OTOP1: variants seen among roughly 807,000 people sequenced by gnomAD.
The protein encoded by OTOP1 is otopetrin 1, also known as proton channel OTOP1.
A neutral mutation model predicts 52.9 loss-of-function variants in OTOP1; 59 were observed. That is an observed-to-expected ratio of 1.12 (90% CI 0.91 to 1.39). OTOP1 has a LOEUF of 1.39. OTOP1 is among the 40% of genes most tolerant of loss of function. OTOP1 has a pLI of 0.00. For missense variants in OTOP1, 761 were observed against 800.9 expected (o/e 0.95, Z 0.60); for synonymous variants, 317 against 337.7 (o/e 0.94, Z 0.67).
chr4:4,195,502 C>T (rs1716602719), intron 5 of OTOP1, among the ~76,000 whole-genome samples: 1 of 152,166 alleles, frequency 6.6e-6, no homozygotes, highest in Non-Finnish European at 1.5e-5. Flanking sequence ...TTCCCCACTG[C>T]TTTCTGTCTT....
intron 1 of OTOP1, among the ~76,000 whole-genome samples, chr4:4,224,521 G>T (rs946263302): frequency 1.3e-5 from 2 of 152,070 alleles, no homozygotes; most frequent in African/African-American, 2.4e-5. Flanking sequence ...ACAGGTAAAG[G>T]CTCATGTGTA....
At chr4:4,211,040 C>T (rs1373396911) in intron 2 of OTOP1, among the ~76,000 whole-genome samples, 1 of 152,102 alleles carries the variant, frequency 6.6e-6, no homozygotes. Flanking sequence ...CAAATGAGCC[C>T]CTCAGCAAGC....
chr4:4,220,105 A>ATATATATAT (rs1434375771), intron 1 of OTOP1, among the ~76,000 whole-genome samples: 1 of 59,396 alleles, frequency 1.7e-5, no homozygotes, highest in African/African-American at 5.1e-5. Context: ...ATATATATAT[A>ATATATATAT]TTTTTTTTTT....
Position 4,212,913 on chromosome 4 carries a change from A to G in OTOP1, c.495T>C (p.Thr165=), listed in dbSNP as rs1717056363. Residue 165 remains threonine, a synonymous_variant, in exon 2 of 6, where the codon ACT becomes ACC. Transcript: ENST00000296358. ...AATGGGTGACTGGGAAAACTCCTTC[A>G]GTGGCTGATAAACATTCTGAAAATC... ...FIGFSECLSA[T]EGVFPVTHSV... is the part of the protein sequence containing the mutation. The G allele has an allele frequency of 1.2e-6, 2 of 1,614,146 alleles. No individual in the cohort carries two copies. The highest frequency in any genetic ancestry group is 4.5e-5 in the East Asian group (2 of 44,884).
intron 5 of OTOP1, among the ~76,000 whole-genome samples, chr4:4,191,521 C>T (rs1716505305): frequency 6.6e-6 from 1 of 152,218 alleles, no homozygotes; most frequent in Non-Finnish European, 1.5e-5. Context: ...GCACGCAGCC[C>T]TTCTTCCTGT....
intron 5 of OTOP1, among the ~76,000 whole-genome samples, chr4:4,189,794 AC>A (rs1716463206): frequency 6.6e-6 from 1 of 152,192 alleles, no homozygotes; most frequent in South Asian, 2.1e-4. Flanking sequence ...CCAGCAAGGA[AC>A]TCAGACCCTC....
intron 1 of OTOP1, among the ~76,000 whole-genome samples, chr4:4,214,457 A>G (rs1389717784): frequency 6.6e-6 from 1 of 152,138 alleles, no homozygotes; most frequent in Non-Finnish European, 1.5e-5. Context: ...CTGAGTATAT[A>G]CCCAAAAGAA....
Position 4,212,942 on chromosome 4 carries a change from T to A in OTOP1, c.466A>T (p.Ile156Phe). Residue 156 changes from isoleucine (I) to phenylalanine (F), a missense_variant, in exon 2 of 6, where the codon ATT becomes TTT. Coordinates refer to ENST00000296358, the MANE Select transcript of OTOP1 (RefSeq NM_177998.3). ...GCTGATAAACATTCTGAAAATCCAA[T>A]GAAGTATCCAATTTTAAGGCATCCC... Reference protein sequence around the residue: ...ILGCLKIGYFIGFSECLSATE... With the variant: ...ILGCLKIGYFFGFSECLSATE... 2 of 1,614,058 alleles carry A rather than the reference T, an allele frequency of 1.2e-6. No homozygotes were observed. Among genetic ancestry groups the A allele is most frequent in the Non-Finnish European group, 1.7e-6 (2 of 1,179,934 alleles).
chr4:4,190,289 A>G (rs902154672), intron 5 of OTOP1, among the ~76,000 whole-genome samples: 8 of 152,228 alleles, frequency 5.3e-5, no homozygotes, highest in African/African-American at 1.9e-4. Context: ...CCTGGCCAAC[A>G]TGGTGAAACC....
At chr4:4,200,722 C>T (rs1281892024) in intron 4 of OTOP1, among the ~76,000 whole-genome samples, 1 of 35,904 alleles carries the variant, frequency 2.8e-5, no homozygotes, top group Non-Finnish European at 5.6e-5. Context: ...AGCATGCCTG[C>T]CTTTTTTTTT....
chr4:4,223,342 G>C (rs1040402765), intron 1 of OTOP1, among the ~76,000 whole-genome samples: 11 of 152,164 alleles, frequency 7.2e-5, no homozygotes, highest in African/African-American at 2.4e-4. Flanking sequence ...CCAATGCTCG[G>C]AGTCAACCTG....
At chr4:4,207,065 A>G (rs1285539273) in intron 2 of OTOP1, among the ~76,000 whole-genome samples, 1 of 152,232 alleles carries the variant, frequency 6.6e-6, no homozygotes, top group Non-Finnish European at 1.5e-5. Context: ...TTATAAAAAT[A>G]AAATCAGAGA....
intron 1 of OTOP1, among the ~76,000 whole-genome samples, chr4:4,221,513 G>A (rs902709944): frequency 1.9e-4 from 29 of 152,140 alleles, no homozygotes; most frequent in African/African-American, 5.6e-4. Flanking sequence ...GCAGACCTGG[G>A]CTCCTCCCAG....
At chr4:4,193,720 G>T (rs780285104) in intron 5 of OTOP1, among the ~76,000 whole-genome samples, 3 of 152,194 alleles carry the variant, frequency 2.0e-5, no homozygotes, top group Non-Finnish European at 4.4e-5. Flanking sequence ...TCCTTGGACT[G>T]GGCCCTGGGT....
At chr4:4,226,161 A>G (rs1717428271) in intron 1 of OTOP1, among the ~76,000 whole-genome samples, 1 of 152,180 alleles carries the variant, frequency 6.6e-6, no homozygotes, top group Non-Finnish European at 1.5e-5. Flanking sequence ...GGCCTCCATC[A>G]TGGGGTCAGT....
intron 1 of OTOP1, among the ~76,000 whole-genome samples, chr4:4,217,369 G>A (rs1466752171): frequency 1.3e-5 from 2 of 152,230 alleles, no homozygotes; most frequent in Non-Finnish European, 2.9e-5. Flanking sequence ...TGCGGCCTGG[G>A]AAACCAGAAG....
intron 1 of OTOP1, among the ~76,000 whole-genome samples, chr4:4,219,089 A>G (rs984001237): frequency 1.3e-5 from 2 of 152,192 alleles, no homozygotes; most frequent in African/African-American, 4.8e-5. Flanking sequence ...AAAATGTATC[A>G]TCATAAACAT....
Position 4,188,736 on chromosome 4 carries a change from C to G in OTOP1, c.*67G>C. 1 of 1,419,178 alleles carries G rather than the reference C, an allele frequency of 7.0e-7. No individual in the cohort carries two copies. The highest frequency in any genetic ancestry group is 2.5e-5 in the East Asian group (1 of 39,842). 87.9% of individuals were successfully genotyped at this position (1,419,178 alleles called of 1,614,324 possible). A position where few individuals can be genotyped will look rare whatever the true frequency, so the allele number is the denominator to read the frequency against. On this transcript the variant is annotated 3_prime_UTR_variant, in exon 6 of 6. Transcript: ENST00000296358. ...ATTTGTCAGGCAATATTTGCCCAAC[C>G]TGGCCACTCCTAGTTGGCTCCAATG...
intron 4 of OTOP1, among the ~76,000 whole-genome samples, chr4:4,199,506 T>G (rs1469519471): frequency 6.6e-6 from 1 of 152,046 alleles, no homozygotes; most frequent in Non-Finnish European, 1.5e-5. Context: ...CTCAGACTTC[T>G]GTGCTCAAGC....
Sources: allele counts gnomAD v4.1 joint callset (sites outside exome capture counted in the v4.1 genomes callset), GRCh38; gene constraint gnomAD v4.1.1; transcripts MANE v1.5; gene names NCBI Gene and HGNC (gene_info 2026-07-23, HGNC 2026-07-21).